Variants in ARHGAP24 observed in about 807,000 individuals in gnomAD.
The protein encoded by ARHGAP24 is Rho GTPase activating protein 24.
A neutral mutation model predicts 76.4 loss-of-function variants in ARHGAP24; 50 were observed. The ratio of observed to expected loss-of-function variants is 0.65; its 90% CI spans 0.52 to 0.83. ARHGAP24 has a LOEUF of 0.83. Ranked by LOEUF, ARHGAP24 falls within the 40% of genes least tolerant of loss-of-function variation. The pLI is 0.00. For missense variants in ARHGAP24, 930 were observed against 914.2 expected (o/e 1.02, Z -0.22); for synonymous variants, 345 against 323.3 (o/e 1.07, Z -0.72).
chr4:85,839,851 T>TC (rs1730497333), intron 3 of ARHGAP24, among the ~76,000 whole-genome samples: 2 of 125,854 alleles, frequency 1.6e-5, no homozygotes, highest in Non-Finnish European at 3.3e-5. Context: ...TTCTTTTTTT[T>TC]TTTTTTTTTT....
chr4:85,881,129 C>G (rs1733229046), intron 3 of ARHGAP24, among the ~76,000 whole-genome samples: 1 of 152,088 alleles, frequency 6.6e-6, no homozygotes, highest in South Asian at 2.1e-4. Flanking sequence ...ATCTGCTAAC[C>G]AAGATGCCTA....
At chr4:85,666,345 A>G (rs7689198) in intron 2 of ARHGAP24, among the ~76,000 whole-genome samples, 4,457 of 149,962 alleles carry the variant, frequency 0.03, 203 homozygotes, top group African/African-American at 0.1. Context: ...CGTAGTTCTC[A>G]AGCTCCTGTA....
At chr4:85,687,635 C>T (rs1010190558) in intron 2 of ARHGAP24, among the ~76,000 whole-genome samples, 3 of 152,104 alleles carry the variant, frequency 2.0e-5, no homozygotes, top group Non-Finnish European at 2.9e-5. Context: ...TGTATATATA[C>T]CATATATTCT....
At chr4:85,578,523 T>C (rs1481966750) in intron 2 of ARHGAP24, among the ~76,000 whole-genome samples, 1 of 152,232 alleles carries the variant, frequency 6.6e-6, no homozygotes, top group Non-Finnish European at 1.5e-5. Flanking sequence ...ACTTGTTTTT[T>C]TGTGCAGTTT....
At position 85,729,829 on chromosome 4, in the gene ARHGAP24, A is replaced by G. The variant is rs183563596; in HGVS notation, c.268+7857A>G. 3.1e-3 allele frequency among the ~76,000 whole-genome samples: 470 copies of G among 152,302 alleles called. 2 individuals are homozygous for G. The highest frequency in any genetic ancestry group is 5.1e-3 in the Non-Finnish European group (344 of 68,034). ...AAATATTATTCTTTATTTTTTTCCAACCACTTAAAAATGTAAAAAATAAAC... is the reference window on the plus strand; with the variant it reads ...AAATATTATTCTTTATTTTTTTCCAGCCACTTAAAAATGTAAAAAATAAAC... On this transcript the variant is annotated intron_variant, in intron 3 of 9. Transcript: ENST00000395184.
At chr4:85,601,009 A>T (rs991153042) in intron 2 of ARHGAP24, among the ~76,000 whole-genome samples, 2 of 152,238 alleles carry the variant, frequency 1.3e-5, no homozygotes, top group African/African-American at 4.8e-5. Flanking sequence ...AGGACAAAAG[A>T]ATATACTCAG....
intron 1 of ARHGAP24, among the ~76,000 whole-genome samples, chr4:85,549,853 A>T (rs1726060276): frequency 6.6e-6 from 1 of 152,192 alleles, no homozygotes; most frequent in East Asian, 1.9e-4. Flanking sequence ...AAGTGAGAAC[A>T]TGCAGTATTT....
chr4:85,656,807 A>G (rs919454760), intron 2 of ARHGAP24, among the ~76,000 whole-genome samples: 39 of 152,032 alleles, frequency 2.6e-4, no homozygotes, highest in African/African-American at 7.5e-4. Flanking sequence ...AAAAAAAAAT[A>G]CAAGCATGAT....
chr4:85,760,160 A>G (rs1726682521), intron 3 of ARHGAP24, among the ~76,000 whole-genome samples: 1 of 152,166 alleles, frequency 6.6e-6, no homozygotes, highest in African/African-American at 2.4e-5. Flanking sequence ...GAGACATCTG[A>G]TTTTAATCCC....
At chr4:85,619,532 G>T (rs746384539) in intron 2 of ARHGAP24, among the ~76,000 whole-genome samples, 6 of 150,712 alleles carry the variant, frequency 4.0e-5, no homozygotes, top group Non-Finnish European at 7.4e-5. Context: ...GATAGGAATT[G>T]CTTTGGCTCT....
intron 2 of ARHGAP24, among the ~76,000 whole-genome samples, chr4:85,605,537 C>T (rs1283335375): frequency 1.3e-5 from 2 of 152,094 alleles, no homozygotes; most frequent in Admixed American, 1.3e-4. Flanking sequence ...GATTATCTTG[C>T]ATTCATACAA....
At chr4:85,529,699 G>T (rs1286325263) in intron 1 of ARHGAP24, among the ~76,000 whole-genome samples, 1 of 151,916 alleles carries the variant, frequency 6.6e-6, no homozygotes, top group Non-Finnish European at 1.5e-5. Context: ...ATTGCCAAAT[G>T]TCCTCTGTGG....
intron 6 of ARHGAP24, among the ~76,000 whole-genome samples, chr4:85,974,635 G>A (rs567161144): frequency 1.3e-5 from 2 of 152,252 alleles, no homozygotes; most frequent in East Asian, 1.9e-4. Flanking sequence ...GTGAGCATAT[G>A]TTAAAAATGA....
At chr4:85,557,124 GGAATTGCA>G (rs1726412330) in intron 1 of ARHGAP24, among the ~76,000 whole-genome samples, 1 of 152,080 alleles carries the variant, frequency 6.6e-6, no homozygotes, top group Non-Finnish European at 1.5e-5. Flanking sequence ...TCTGTCCCAG[GGAATTGCA>G]GAGCTGCTCC....
At chr4:85,874,940 ATATATTTTT>A (rs1560688372) in intron 3 of ARHGAP24, among the ~76,000 whole-genome samples, 5 of 109,250 alleles carry the variant, frequency 4.6e-5, no homozygotes, top group African/African-American at 7.6e-5. Context: ...TTTATATATA[ATATATTTTT>A]ATATAATTTA....
Position 85,688,319 on chromosome 4 carries a change from G to A in ARHGAP24, c.181-33566G>A, listed in dbSNP as rs140308674. On this transcript the variant is annotated intron_variant, in intron 2 of 9. Transcript: ENST00000395184. Reference sequence around the variant, plus strand: ...TGGTTTTGATTTGCATTTCTCTGATGATTAGTGATAATGAATATTTTTTCA... The same window carrying A: ...TGGTTTTGATTTGCATTTCTCTGATAATTAGTGATAATGAATATTTTTTCA... 5.3e-3 allele frequency among the ~76,000 whole-genome samples: 804 copies of A among 152,222 alleles called. 7 individuals are homozygous for A. Among genetic ancestry groups the A allele is most frequent in the African/African-American group, 0.018 (760 of 41,522 alleles).
chr4:85,485,397 ATATATATATATATATATC>A (rs1201574413), intron 1 of ARHGAP24, among the ~76,000 whole-genome samples: 2 of 122,666 alleles, frequency 1.6e-5, no homozygotes, highest in African/African-American at 6.3e-5. Context: ...ATATATATAT[ATATATATATATATATATC>A]TCCTTGGATT....
intron 2 of ARHGAP24, among the ~76,000 whole-genome samples, chr4:85,619,878 C>G (rs1276794771): frequency 2.6e-5 from 4 of 151,540 alleles, no homozygotes; most frequent in Non-Finnish European, 3.0e-5. Flanking sequence ...ATGAAATGAT[C>G]TTATTTTTTT....
At chr4:85,541,264 C>CTGCCT (rs2110123059) in intron 1 of ARHGAP24, among the ~76,000 whole-genome samples, 1 of 130,414 alleles carries the variant, frequency 7.7e-6, no homozygotes, top group Admixed American at 7.3e-5. Flanking sequence ...CGCCATTCTC[C>CTGCCT]TGCCTCAGCC....
Sources: gnomAD v4.1 joint callset for allele counts (sites outside exome capture counted in the v4.1 genomes callset) on GRCh38, gnomAD v4.1.1 for gene constraint, MANE v1.5 for transcripts, NCBI Gene and HGNC (gene_info 2026-07-23, HGNC 2026-07-21) for gene names.